The following WBP4 variants were observed in gnomAD, a reference collection of about 807,000 sequenced individuals.
WBP4 encodes the protein WW domain-binding protein 4.
In WBP4, 37 loss-of-function variants were observed where a neutral mutation model predicts 55.4. That is an observed-to-expected ratio of 0.67 (90% CI 0.51 to 0.88). The LOEUF (loss-of-function observed/expected upper bound fraction) is 0.88, where lower values mean the gene tolerates loss of function less well. WBP4 is among the 40% of genes least tolerant of loss of function. The pLI is 0.00. For synonymous variants in WBP4, 142 were observed against 140.2 expected (o/e 1.01, Z -0.09); for missense variants, 398 against 420.8 (o/e 0.95, Z 0.47).
At position 41,083,501 on chromosome 13, in the gene WBP4, A is replaced by G. The variant is rs1382670237; in HGVS notation, c.*587A>G. On this transcript the variant is annotated 3_prime_UTR_variant, in exon 10 of 10. Transcript: ENST00000379487. The stretch of plus-strand genomic sequence containing the variant: ...AACTGGACCAGAGGTGGAAAGATGT[A>G]TTTGCCCCAGTTCACTTCAAAGCAG... 4 of 152,530 alleles carry G rather than the reference A, an allele frequency of 2.6e-5. No individual in the cohort carries two copies. Among genetic ancestry groups the G allele is most frequent in the African/African-American group, 9.7e-5 (4 of 41,442 alleles). The allele number at this position is 152,530 out of a possible 1,614,324, so 9.4% of individuals were successfully genotyped here. A position where few individuals can be genotyped will look rare whatever the true frequency, so the allele number is the denominator to read the frequency against.
intron 8 of WBP4, among the ~76,000 whole-genome samples, chr13:41,080,196 CCCT>C (rs1366754645): frequency 6.6e-6 from 1 of 151,918 alleles, no homozygotes; most frequent in Non-Finnish European, 1.5e-5. Context: ...CATTTGTGCC[CCCT>C]AAGTTATTTT....
intron 2 of WBP4, 149 bp from the exon 3 acceptor site, chr13:41,064,867 G>A: frequency 1.4e-6 from 1 of 708,966 alleles, no homozygotes; most frequent in East Asian, 3.0e-5. Context: ...TTGATTAAAA[G>A]GGCCAATTTG....
At chr13:41,068,171 G>A (rs575425492) in intron 4 of WBP4, among the ~76,000 whole-genome samples, 1 of 152,006 alleles carries the variant, frequency 6.6e-6, no homozygotes, top group Non-Finnish European at 1.5e-5. Flanking sequence ...TACCCAGTAG[G>A]TAATTTGAAA....
chr13:41,062,536 A>T (rs1877734548), intron 1 of WBP4, 108 bp from the exon 2 acceptor site: 11 of 972,522 alleles, frequency 1.1e-5, no homozygotes, highest in Non-Finnish European at 1.6e-5. Flanking sequence ...ACAAGACAAG[A>T]TTCAGTAGCA....
At chr13:41,068,850 C>T in intron 5 of WBP4, 113 bp downstream of exon 5, 1 of 1,197,694 alleles carries the variant, frequency 8.3e-7, no homozygotes, top group Non-Finnish European at 1.1e-6. Context: ...TAGTGAAAGA[C>T]CGGTTTTTCA....
intron 8 of WBP4, among the ~76,000 whole-genome samples, chr13:41,077,651 A>G (rs551945226): frequency 6.6e-6 from 1 of 152,298 alleles, no homozygotes; most frequent in East Asian, 1.9e-4. Flanking sequence ...CAGGCAAGAG[A>G]AAGAAGTAAA....
intron 7 of WBP4, among the ~76,000 whole-genome samples, chr13:41,073,552 C>T (rs538209598): frequency 1.4e-3 from 207 of 151,252 alleles, no homozygotes; most frequent in Middle Eastern, 3.5e-3. Context: ...CGGTGGCTCA[C>T]GCCTGTAATC....
chr13:41,072,724 A>G, intron 6 of WBP4, 58 bp from the exon 7 acceptor site: 1 of 1,513,350 alleles, frequency 6.6e-7, no homozygotes. Context: ...TGTCTGAGTT[A>G]TTCAATAGAA....
At chr13:41,065,789 G>C (rs1384859331) in intron 4 of WBP4, among the ~76,000 whole-genome samples, 1 of 152,164 alleles carries the variant, frequency 6.6e-6, no homozygotes, top group East Asian at 1.9e-4. Flanking sequence ...GGAAGTTCCA[G>C]ATGAAAGACC....
At position 41,068,634 on chromosome 13, in the gene WBP4, AAAG is replaced by A. The variant is rs780624921; in HGVS notation, c.339_341del (p.Lys114del). On this transcript the variant is annotated inframe_deletion, in exon 5 of 10. Coordinates refer to ENST00000379487, the MANE Select transcript of WBP4 (RefSeq NM_007187.5). Reference sequence around the variant, plus strand: ...CCTCGACATCAAATCAACAGAAAGAAAAGAAAGAAAAGAAGAAAAGAAAAAAAG... The same window carrying A: ...CCTCGACATCAAATCAACAGAAAGAAAAAGAAAAGAAGAAAAGAAAAAAAG... 9 of 1,612,106 alleles carry A rather than the reference AAAG, an allele frequency of 5.6e-6. No homozygotes were observed. The South Asian group carries it at 7.8e-5, about 14-fold the overall frequency.
intron 6 of WBP4, among the ~76,000 whole-genome samples, 190 bp from the exon 7 acceptor site, chr13:41,072,592 A>G (rs993639552): frequency 6.6e-6 from 1 of 152,230 alleles, no homozygotes; most frequent in African/African-American, 2.4e-5. Flanking sequence ...CCTGTGATGC[A>G]GTCACCTCCC....
intron 4 of WBP4, among the ~76,000 whole-genome samples, chr13:41,068,076 C>A (rs1878057387): frequency 6.6e-6 from 1 of 151,972 alleles, no homozygotes; most frequent in South Asian, 2.1e-4. Context: ...GTAGGGGGTA[C>A]AAGTGCAGAT....
intron 9 of WBP4, among the ~76,000 whole-genome samples, chr13:41,081,202 G>GA (rs1196987611): frequency 6.6e-6 from 1 of 151,448 alleles, no homozygotes; most frequent in African/African-American, 2.4e-5. Context: ...TCTCGAAAAA[G>GA]AAAAAGTATA....
Position 41,076,168 on chromosome 13 carries a change from T to C in WBP4, c.687T>C (p.Ser229=), listed in dbSNP as rs1371132431. The change falls in exon 8 of 10, where the codon TCT becomes TCC. Residue 229 remains serine, a synonymous_variant. Transcript: ENST00000379487. ...ESKSSDSHSD[S]DGEQEAEEGG... is the part of the protein sequence containing the mutation. ...AATCATCAGATTCGCATAGTGATTC[T>C]GATGGGGAACAGGAAGCAGAAGAAG... 1 of 1,613,252 alleles carries C rather than the reference T, an allele frequency of 6.2e-7. No homozygotes were observed. Among genetic ancestry groups the C allele is most frequent in the Admixed American group, 1.7e-5 (1 of 59,838 alleles).
At chr13:41,078,679 T>C (rs1468155770) in intron 8 of WBP4, among the ~76,000 whole-genome samples, 1 of 151,972 alleles carries the variant, frequency 6.6e-6, no homozygotes, top group African/African-American at 2.4e-5. Context: ...AATAGAAAAT[T>C]AGCTGGGTGT....
intron 7 of WBP4, among the ~76,000 whole-genome samples, chr13:41,075,239 A>G (rs573880542): frequency 6.6e-6 from 1 of 152,320 alleles, no homozygotes; most frequent in African/African-American, 2.4e-5. Context: ...AAGCCCAATG[A>G]ACCACTGGAT....
intron 8 of WBP4, among the ~76,000 whole-genome samples, chr13:41,080,179 A>G (rs768446915): frequency 5.3e-5 from 8 of 152,340 alleles, no homozygotes; most frequent in Non-Finnish European, 1.0e-4. Flanking sequence ...TACATGTAAG[A>G]AATACGCATT....
chr13:41,062,563 A>C, intron 1 of WBP4, 81 bp from the exon 2 acceptor site: 3 of 1,320,022 alleles, frequency 2.3e-6, no homozygotes, highest in Non-Finnish European at 3.2e-6. Context: ...TATATTTCAA[A>C]CTTTAAAAAC....
Position 41,062,045 on chromosome 13 carries a change from G to A in WBP4, c.2+370G>A, listed in dbSNP as rs59824744. 1,575 of 983,256 alleles carry A rather than the reference G, an allele frequency of 1.6e-3. 14 individuals are homozygous for A. The African/African-American group carries it at 0.026, about 16-fold the overall frequency. The allele number at this position is 983,256 out of a possible 1,614,324, so 60.9% of individuals were successfully genotyped here. ...TAGGGTATTGTGAAACTAGGGCTGG[G>A]CTGCGGCCTCCCCCGCCCACTGGAA... On this transcript the variant is annotated intron_variant, in intron 1 of 9. Coordinates refer to ENST00000379487, the MANE Select transcript of WBP4 (RefSeq NM_007187.5).
Sources: gnomAD v4.1 joint callset for allele counts (sites outside exome capture counted in the v4.1 genomes callset) on GRCh38, gnomAD v4.1.1 for gene constraint, MANE v1.5 for transcripts, NCBI Gene and HGNC (gene_info 2026-07-23, HGNC 2026-07-21) for gene names.